The following FERMT2 variants were observed in gnomAD, a reference collection of about 807,000 sequenced individuals.
FERMT2 encodes the protein fermitin family homolog 2.
A neutral mutation model predicts 82.7 loss-of-function variants in FERMT2; 15 were observed. The ratio of observed to expected loss-of-function variants is 0.18; its 90% CI spans 0.12 to 0.28. The LOEUF is 0.28. Among genes scored for constraint, FERMT2 ranks in the 10% least tolerant of loss-of-function variants. The pLI is 1.00. For missense variants in FERMT2, 645 were observed against 809.4 expected, an observed-to-expected ratio of 0.80 and a Z score of 2.46; for synonymous variants, 274 against 271.5, an observed-to-expected ratio of 1.01 and a Z score of -0.09.
chr14:52,880,199 G>A (rs1886206366), intron 6 of FERMT2, among the ~76,000 whole-genome samples: 1 of 152,124 alleles, frequency 6.6e-6, no homozygotes, highest in Non-Finnish European at 1.5e-5. Context: ...TGAGGTTACA[G>A]TGAGCCATGA....
intron 3 of FERMT2, among the ~76,000 whole-genome samples, chr14:52,914,607 C>T (rs1469158591): frequency 6.6e-6 from 1 of 151,890 alleles, no homozygotes; most frequent in Admixed American, 6.6e-5. Context: ...TTAGAAGAGA[C>T]ATGATTGCTT....
chr14:52,861,706 T>C (rs898999560), intron 12 of FERMT2: 2 of 152,624 alleles, frequency 1.3e-5, no homozygotes, highest in Admixed American at 6.5e-5. Flanking sequence ...AATCAACATA[T>C]AGAATAATTC....
intron 3 of FERMT2, among the ~76,000 whole-genome samples, chr14:52,907,356 C>A (rs1320699758): frequency 6.6e-6 from 1 of 152,082 alleles, no homozygotes; most frequent in Non-Finnish European, 1.5e-5. Context: ...ACTTCATAAC[C>A]AGTAGACTTG....
At chr14:52,869,626 A>G (rs73302512) in intron 10 of FERMT2, among the ~76,000 whole-genome samples, 3,833 of 152,320 alleles carry the variant, frequency 0.025, 162 homozygotes, top group African/African-American at 0.087. Context: ...ATGTACAATT[A>G]TAAGTAGTAC....
chr14:52,915,249 T>C (rs1888553161), intron 3 of FERMT2, among the ~76,000 whole-genome samples: 2 of 152,244 alleles, frequency 1.3e-5, no homozygotes, highest in South Asian at 2.1e-4. Context: ...TCAATTACTA[T>C]GGAATTTTCC....
chr14:52,904,827 A>G (rs1003788444), intron 3 of FERMT2, among the ~76,000 whole-genome samples: 1 of 151,650 alleles, frequency 6.6e-6, no homozygotes, highest in African/African-American at 2.4e-5. Flanking sequence ...AGGAAGTAAA[A>G]ATGTCTGCTT....
intron 4 of FERMT2, among the ~76,000 whole-genome samples, chr14:52,887,139 T>A (rs1886658022): frequency 7.1e-6 from 1 of 141,146 alleles, no homozygotes; most frequent in African/African-American, 2.5e-5. Flanking sequence ...ATCCCAGCAC[T>A]TTTTTTTTTT....
intron 4 of FERMT2, among the ~76,000 whole-genome samples, chr14:52,886,582 C>T (rs551936829): frequency 5.3e-5 from 8 of 152,286 alleles, no homozygotes; most frequent in African/African-American, 1.7e-4. Context: ...ACTCTGAAGT[C>T]ATTTATAAGA....
At chr14:52,945,012 T>C (rs1308206718) in intron 2 of FERMT2, among the ~76,000 whole-genome samples, 2 of 152,140 alleles carry the variant, frequency 1.3e-5, no homozygotes, top group African/African-American at 4.8e-5. Flanking sequence ...GCAATCCTCC[T>C]GTCTCAGCCT....
At chr14:52,907,422 A>G (rs1888077656) in intron 3 of FERMT2, among the ~76,000 whole-genome samples, 1 of 152,222 alleles carries the variant, frequency 6.6e-6, no homozygotes, top group Non-Finnish European at 1.5e-5. Flanking sequence ...AGGAGACTAC[A>G]TGGAAAGGAT....
intron 4 of FERMT2, among the ~76,000 whole-genome samples, chr14:52,886,494 C>T (rs1438026803): frequency 6.6e-6 from 1 of 152,050 alleles, no homozygotes; most frequent in East Asian, 1.9e-4. Flanking sequence ...CAACGCCCAG[C>T]TCTGGGATAT....
In FERMT2 at chr14:52,894,271, AAC is replaced by A. The variant is rs559499149; in HGVS notation, c.392-846_392-845del. ...AAAGAAATTAAAAATGACCCAATTA[AAC>A]ACACACACACACAATATATATTGCA... On this transcript the variant is annotated intron_variant, in intron 3 of 14. Transcript: ENST00000341590. Among the ~76,000 whole-genome samples the A allele has an allele frequency of 6.4e-4, 97 of 152,000 alleles. 1 individual carries two copies. The highest frequency in any genetic ancestry group is 2.1e-3 in the African/African-American group (86 of 41,506).
chr14:52,948,275 G>C (rs879938637), intron 2 of FERMT2, among the ~76,000 whole-genome samples: 2 of 152,198 alleles, frequency 1.3e-5, no homozygotes, highest in Non-Finnish European at 2.9e-5. Flanking sequence ...CCAGTTTTAC[G>C]CAACTCTGAA....
Position 52,894,493 on chromosome 14 carries a change from C to T in FERMT2, c.392-1066G>A, listed in dbSNP as rs190403786. On this transcript the variant is annotated intron_variant, in intron 3 of 14. Transcript: ENST00000341590. The stretch of plus-strand genomic sequence containing the variant: ...CATTCTTAAAAAGAACAAAATTGGA[C>T]GACTTACACTAACTGATTTTAAGAC... Among the ~76,000 whole-genome samples the T allele has an allele frequency of 1.5e-4, 23 of 152,112 alleles. No individual in the cohort carries two copies. In the South Asian group the frequency reaches 4.4e-3, roughly 29 times the overall value.
chr14:52,915,093 C>A (rs914427017), intron 3 of FERMT2, among the ~76,000 whole-genome samples: 1 of 151,950 alleles, frequency 6.6e-6, no homozygotes, highest in African/African-American at 2.4e-5. Context: ...AAGTATAAAG[C>A]CCCTGGAAGA....
intron 14 of FERMT2, 148 bp downstream of exon 14, chr14:52,859,425 G>T: frequency 1.4e-6 from 1 of 725,390 alleles, no homozygotes; most frequent in Non-Finnish European, 2.0e-6. Context: ...GCAAATTTAA[G>T]TGAGAAATGA....
chr14:52,935,747 A>C (rs1165494928), intron 2 of FERMT2, among the ~76,000 whole-genome samples: 1 of 152,178 alleles, frequency 6.6e-6, no homozygotes, highest in African/African-American at 2.4e-5. Flanking sequence ...GACAAATTGC[A>C]ATTTCTTCTA....
chr14:52,943,743 A>G (rs1248208452), intron 2 of FERMT2, among the ~76,000 whole-genome samples: 2 of 152,216 alleles, frequency 1.3e-5, no homozygotes. Flanking sequence ...AAATGGCAAA[A>G]TACTAACTGG....
chr14:52,885,899 C>T (rs934873034), intron 4 of FERMT2, among the ~76,000 whole-genome samples: 92 of 148,726 alleles, frequency 6.2e-4, no homozygotes, highest in African/African-American at 2.2e-3. Flanking sequence ...AAACCTAGAA[C>T]TATAAAGTAA....
Sources: gnomAD v4.1 joint callset for allele counts (sites outside exome capture counted in the v4.1 genomes callset) on GRCh38, gnomAD v4.1.1 for gene constraint, MANE v1.5 for transcripts, NCBI Gene and HGNC (gene_info 2026-07-23, HGNC 2026-07-21) for gene names.